The following SCAND3 variants were observed in gnomAD, a reference collection of about 807,000 sequenced individuals.
The protein encoded by SCAND3 is SCAN domain-containing protein 3.
At chr6:28,610,196 T>A in the SCAND3 span, among the ~76,000 whole-genome samples, 8 of 152,186 alleles carry the variant, frequency 5.3e-5, 1 homozygote, top group South Asian at 6.2e-4. Context: ...TTAATTTTTT[T>A]AAACAGGTAA....
At chr6:28,575,180 GC>G in the SCAND3 span, 1 of 1,614,072 alleles carries the variant, frequency 6.2e-7, no homozygotes, top group Non-Finnish European at 8.5e-7. The surrounding 1 kb of genome is among the most constrained non-coding windows in gnomAD (Gnocchi z 4.2). Flanking sequence ...CTGTGATAGG[GC>G]TGATTTTGGG....
chr6:28,574,908 T>C, the SCAND3 span: 1 of 1,613,850 alleles, frequency 6.2e-7, no homozygotes, highest in Non-Finnish European at 8.5e-7. Context: ...AGGATAAAAA[T>C]CTTAGTCTGC....
the SCAND3 span, among the ~76,000 whole-genome samples, chr6:28,595,223 AGCAGTCCCAGCCACT>A: frequency 7.3e-6 from 1 of 137,534 alleles, no homozygotes; most frequent in African/African-American, 2.8e-5. Flanking sequence ...AAAAAAAAAA[AGCAGTCCCAGCCACT>A]AAGGAGGCTG....
At chr6:28,584,308 G>A in the SCAND3 span, among the ~76,000 whole-genome samples, 1 of 152,104 alleles carries the variant, frequency 6.6e-6, no homozygotes, top group Non-Finnish European at 1.5e-5. Context: ...GGGTGGCTTG[G>A]TGTATCACTG....
At chr6:28,608,358 TC>T in the SCAND3 span, among the ~76,000 whole-genome samples, 1 of 152,116 alleles carries the variant, frequency 6.6e-6, no homozygotes, top group Non-Finnish European at 1.5e-5. Context: ...ACCCCCTGGC[TC>T]CCCACCTTTA....
chr6:28,575,555 A>G, the SCAND3 span: 1 of 1,614,008 alleles, frequency 6.2e-7, no homozygotes. The surrounding 1 kb of genome is among the most constrained non-coding windows in gnomAD (Gnocchi z 4.2). Context: ...TCAGGATTCA[A>G]CTGCATGTCT....
chr6:28,575,417 C>T, the SCAND3 span: 7 of 1,613,938 alleles, frequency 4.3e-6, no homozygotes, highest in Middle Eastern at 1.7e-4. The surrounding 1 kb of genome is among the most constrained non-coding windows in gnomAD (Gnocchi z 4.2). Flanking sequence ...ACACTGGGTG[C>T]TCCAATAATT....
chr6:28,578,927 A>G, the SCAND3 span, among the ~76,000 whole-genome samples: 2 of 152,212 alleles, frequency 1.3e-5, no homozygotes, highest in East Asian at 1.9e-4. Context: ...ATACACAGTC[A>G]TTATGTGACA....
the SCAND3 span, chr6:28,576,159 A>T: frequency 6.5e-7 from 1 of 1,532,508 alleles, no homozygotes; most frequent in Non-Finnish European, 8.8e-7. Flanking sequence ...GAAAAAAATC[A>T]ATTAGAATAT....
the SCAND3 span, chr6:28,586,564 G>A: frequency 6.2e-7 from 1 of 1,614,206 alleles, no homozygotes; most frequent in Non-Finnish European, 8.5e-7. This position sits in a 1 kb window ranked among gnomAD's most constrained non-coding sequence, Gnocchi z 4.4. Context: ...AAGCGCTGAC[G>A]AGAGAGTTCC....
At chr6:28,595,475 C>A in the SCAND3 span, among the ~76,000 whole-genome samples, 1 of 151,702 alleles carries the variant, frequency 6.6e-6, no homozygotes, top group African/African-American at 2.4e-5. Flanking sequence ...GTAATCCCAG[C>A]ACTTTGGGAG....
At chr6:28,575,023 A>C in the SCAND3 span, 22 of 1,613,928 alleles carry the variant, frequency 1.4e-5, 1 homozygote, top group South Asian at 2.3e-4. The surrounding 1 kb of genome is among the most constrained non-coding windows in gnomAD (Gnocchi z 4.2). Context: ...CTGGGCTCTT[A>C]AAGTATTTTC....
the SCAND3 span, among the ~76,000 whole-genome samples, chr6:28,611,186 A>G: frequency 2.6e-5 from 4 of 152,308 alleles, no homozygotes; most frequent in East Asian, 3.9e-4. Context: ...TAACCTGATG[A>G]ACAAGTCCTG....
the SCAND3 span, among the ~76,000 whole-genome samples, chr6:28,613,272 G>A: frequency 2.6e-5 from 4 of 152,134 alleles, no homozygotes; most frequent in African/African-American, 9.7e-5. Context: ...CAAGTAGAGA[G>A]CACACTGTTC....
the SCAND3 span, chr6:28,573,224 G>C: frequency 6.2e-7 from 1 of 1,613,928 alleles, no homozygotes; most frequent in Non-Finnish European, 8.5e-7. Context: ...TGTTCTATGA[G>C]TTGATCTTCC....
At chr6:28,578,319 T>C in the SCAND3 span, among the ~76,000 whole-genome samples, 1 of 152,244 alleles carries the variant, frequency 6.6e-6, no homozygotes, top group African/African-American at 2.4e-5. Context: ...TATCTATTTA[T>C]AACACAAGTT....
the SCAND3 span, chr6:28,571,825 G>A: frequency 1.3e-6 from 2 of 1,505,430 alleles, no homozygotes; most frequent in Non-Finnish European, 1.8e-6. Flanking sequence ...TAGACAGAAA[G>A]TTTAAAGTGA....
chr6:28,582,851 G>A, the SCAND3 span, among the ~76,000 whole-genome samples: 1 of 152,040 alleles, frequency 6.6e-6, no homozygotes, highest in Non-Finnish European at 1.5e-5. The surrounding 1 kb of genome is among the most constrained non-coding windows in gnomAD (Gnocchi z 4.8). Context: ...GTACCAGGGA[G>A]GCAGAGGTTG....
At chr6:28,596,413 G>T in the SCAND3 span, among the ~76,000 whole-genome samples, 1 of 151,950 alleles carries the variant, frequency 6.6e-6, no homozygotes, top group East Asian at 1.9e-4. Flanking sequence ...GATAAAAATA[G>T]AAATATATAT....
Sources: allele counts gnomAD v4.1 joint callset (sites outside exome capture counted in the v4.1 genomes callset), GRCh38; gene constraint gnomAD v4.1.1; non-coding constraint Gnocchi (gnomAD v3.1); transcripts MANE v1.5; gene names NCBI Gene and HGNC (gene_info 2026-07-23, HGNC 2026-07-21).